The following SYNPO2 variants were observed in gnomAD, a reference collection of about 807,000 sequenced individuals.
SYNPO2 encodes the protein synaptopodin 2.
Under a neutral mutation model 85.0 loss-of-function variants are expected in SYNPO2, and 56 were observed. That is an observed-to-expected ratio of 0.66 (90% CI 0.53 to 0.82). SYNPO2 has a LOEUF of 0.82. SYNPO2 is among the 40% of genes least tolerant of loss of function. The pLI is 0.00. For synonymous variants in SYNPO2, 602 were observed against 591.1 expected, an observed-to-expected ratio of 1.02 and a Z score of -0.27; for missense variants, 1,575 against 1,534.2, an observed-to-expected ratio of 1.03 and a Z score of -0.44.
chr4:118,876,107 A>G (rs1731901389), intron 1 of SYNPO2, among the ~76,000 whole-genome samples: 1 of 152,222 alleles, frequency 6.6e-6, no homozygotes, highest in Non-Finnish European at 1.5e-5. Context: ...ATGTGAGCAC[A>G]TGCTGGGGTC....
At chr4:119,039,945 G>A (rs1480846381) in intron 4 of SYNPO2, among the ~76,000 whole-genome samples, 1 of 152,104 alleles carries the variant, frequency 6.6e-6, no homozygotes, top group African/African-American at 2.4e-5. Context: ...TGGGCTCTAG[G>A]GCCGCGCTGC....
intron 1 of SYNPO2, among the ~76,000 whole-genome samples, chr4:118,881,028 C>T (rs114242611): frequency 1.1e-3 from 168 of 152,074 alleles, no homozygotes; most frequent in African/African-American, 3.7e-3. Flanking sequence ...AAGGGCCGAA[C>T]GTGGTGGCTC....
intron 1 of SYNPO2, among the ~76,000 whole-genome samples, chr4:118,900,737 G>GGCTGTCTA (rs1732721774): frequency 1.2e-5 from 1 of 82,194 alleles, no homozygotes; most frequent in Non-Finnish European, 2.7e-5. Context: ...ATATATGTCT[G>GGCTGTCTA]TCTGTCTATC....
intron 1 of SYNPO2, among the ~76,000 whole-genome samples, chr4:118,945,839 G>A (rs1238339598): frequency 1.1e-4 from 17 of 151,784 alleles, no homozygotes; most frequent in Admixed American, 4.6e-4. Context: ...TCTGCCTCCC[G>A]GATTCAAGCA....
intron 1 of SYNPO2, among the ~76,000 whole-genome samples, chr4:119,003,390 T>G (rs1157023370): frequency 2.0e-5 from 3 of 152,058 alleles, no homozygotes; most frequent in African/African-American, 4.8e-5. Flanking sequence ...CCTTGACACG[T>G]GGGGATTACA....
rs1355819904 is a variant in SYNPO2, at chr4:119,030,383, C to A, written c.1608C>A (p.Tyr536Ter). Residue 536 changes from tyrosine (Y) to a stop codon, truncating the protein, a stop_gained, in exon 4 of 5, where the codon TAC becomes TAA. Transcript: ENST00000307142. LOFTEE classifies it high-confidence loss of function. ...QTDGLRTTTS[Y>*]QRKEEESVRT... ...ATGGCCTGAGAACCACGACTTCTTA[C>A]CAAAGAAAGGAGGAAGAGTCGGTAA... 6 of 1,614,136 alleles carry A rather than the reference C, an allele frequency of 3.7e-6. No homozygotes were observed. The highest frequency in any genetic ancestry group is 5.1e-6 in the Non-Finnish European group (6 of 1,180,042).
At chr4:119,026,581 T>G in intron 2 of SYNPO2, 46 bp from the exon 3 acceptor site, 1 of 1,524,876 alleles carries the variant, frequency 6.6e-7, no homozygotes, top group South Asian at 1.3e-5. Context: ...TTGGCAGATG[T>G]AACATAGTCT....
intron 4 of SYNPO2, among the ~76,000 whole-genome samples, chr4:119,055,242 C>T (rs1739175015): frequency 6.6e-6 from 1 of 152,040 alleles, no homozygotes; most frequent in Non-Finnish European, 1.5e-5. Flanking sequence ...ACTTCTGCCT[C>T]CTGGGTTCAA....
intron 1 of SYNPO2, among the ~76,000 whole-genome samples, chr4:118,929,189 G>T (rs1733837063): frequency 6.6e-6 from 1 of 152,020 alleles, no homozygotes; most frequent in Admixed American, 6.6e-5. Flanking sequence ...GGGAAAGAGA[G>T]AAAGGAAGAG....
chr4:118,907,643 T>C (rs1732981986), intron 1 of SYNPO2, among the ~76,000 whole-genome samples: 1 of 152,198 alleles, frequency 6.6e-6, no homozygotes, highest in South Asian at 2.1e-4. Flanking sequence ...AAATGACTTC[T>C]TTACAGTCTA....
At chr4:118,965,282 C>T (rs1452767556) in intron 1 of SYNPO2, among the ~76,000 whole-genome samples, 1 of 151,796 alleles carries the variant, frequency 6.6e-6, no homozygotes, top group African/African-American at 2.4e-5. Flanking sequence ...TTGCCAGCAC[C>T]CCCCCACCCC....
intron 1 of SYNPO2, among the ~76,000 whole-genome samples, chr4:119,012,552 C>T (rs1295901357): frequency 6.6e-6 from 1 of 151,986 alleles, no homozygotes; most frequent in Admixed American, 6.5e-5. Flanking sequence ...TCCCCTTGCC[C>T]ACTTGACTCC....
chr4:118,993,504 A>G (rs1338388399), intron 1 of SYNPO2, among the ~76,000 whole-genome samples: 1 of 152,162 alleles, frequency 6.6e-6, no homozygotes, highest in African/African-American at 2.4e-5. Context: ...TGTCTGTGTG[A>G]GTTTCAACAT....
Position 119,034,301 on chromosome 4 carries a change from G to A in SYNPO2, c.3252+2274G>A, listed in dbSNP as rs181053804. 14 of 984,538 alleles carry A rather than the reference G, an allele frequency of 1.4e-5. No homozygotes were observed. The Admixed American group carries it at 2.5e-4, about 17-fold the overall frequency. The allele number at this position is 984,538 out of a possible 1,614,324, so 61.0% of individuals were successfully genotyped here. A position where few individuals can be genotyped will look rare whatever the true frequency, so the allele number is the denominator to read the frequency against. ...AAAGACATGGAACACACAGGTAGTC[G>A]GTTTGAGATCATCGGCTTAAAAGTA... On this transcript the variant is annotated intron_variant, in intron 4 of 4. Coordinates refer to ENST00000307142, the MANE Select transcript of SYNPO2 (RefSeq NM_133477.3).
rs186686930 is a variant in SYNPO2 at position 119,020,107 on chromosome 4, A to G, written c.106-3323A>G. On this transcript the variant is annotated intron_variant, in intron 1 of 4. Transcript: ENST00000307142. Reference sequence around the variant, plus strand: ...CTAATACATGTTTATCCTTCTTGATACTACTATAAGACCCTGTCATACCAT... The same window carrying G: ...CTAATACATGTTTATCCTTCTTGATGCTACTATAAGACCCTGTCATACCAT... Among the ~76,000 whole-genome samples, 8 of 152,274 alleles carry G rather than the reference A, an allele frequency of 5.3e-5. No individual in the cohort carries two copies. The East Asian group carries it at 1.2e-3, about 22-fold the overall frequency.
At chr4:118,945,810 A>G (rs1205329048) in intron 1 of SYNPO2, among the ~76,000 whole-genome samples, 1 of 151,706 alleles carries the variant, frequency 6.6e-6, no homozygotes, top group East Asian at 1.9e-4. Flanking sequence ...CAGTGGCGTG[A>G]CCTTGGCTCA....
At chr4:119,051,186 A>ATGTTG (rs376359189) in intron 4 of SYNPO2, among the ~76,000 whole-genome samples, 3 of 100,720 alleles carry the variant, frequency 3.0e-5, no homozygotes, top group East Asian at 3.2e-4. Flanking sequence ...ATGGGAAGCA[A>ATGTTG]TTTTTTTTTT....
chr4:118,998,622 A>G (rs768613464), intron 1 of SYNPO2, among the ~76,000 whole-genome samples: 26 of 152,204 alleles, frequency 1.7e-4, no homozygotes, highest in Admixed American at 5.9e-4. Context: ...AGTGTGACTC[A>G]AGATCACTGA....
chr4:119,012,842 C>G (rs6812103), intron 1 of SYNPO2, among the ~76,000 whole-genome samples: 2 of 151,930 alleles, frequency 1.3e-5, no homozygotes, highest in Admixed American at 1.3e-4. Flanking sequence ...CTGTAAATGG[C>G]AGCACATTGT....
Sources: gnomAD v4.1 joint callset for allele counts (sites outside exome capture counted in the v4.1 genomes callset) on GRCh38, gnomAD v4.1.1 for gene constraint, MANE v1.5 for transcripts, NCBI Gene and HGNC (gene_info 2026-07-23, HGNC 2026-07-21) for gene names.